ELP4: variants seen among roughly 807,000 people sequenced by gnomAD.
The protein encoded by ELP4 is elongator complex protein 4.
In ELP4, 51 loss-of-function variants were observed where a neutral mutation model predicts 48.9. That is an observed-to-expected ratio of 1.04 (90% CI 0.83 to 1.32). The LOEUF (loss-of-function observed/expected upper bound fraction) is 1.32, where lower values mean the gene tolerates loss of function less well. ELP4 is among the 40% of genes most tolerant of loss of function. ELP4 has a pLI of 0.00. For missense variants in ELP4, 519 were observed against 514.6 expected (o/e 1.01, Z -0.08); for synonymous variants, 210 against 189.2 (o/e 1.11, Z -0.90).
At chr11:31,551,169 C>T (rs1407150853) in intron 3 of ELP4, among the ~76,000 whole-genome samples, 1 of 152,116 alleles carries the variant, frequency 6.6e-6, no homozygotes, top group Non-Finnish European at 1.5e-5. Flanking sequence ...TCAGCTGAAC[C>T]AATTGAAATG....
rs559892736 is a variant in ELP4 at position 31,742,582 on chromosome 11, T to C, written c.1144-40811T>C. The stretch of plus-strand genomic sequence containing the variant: ...AGAAACTCTACAAGCCAGAAGAGAG[T>C]GGGGGCCAATATTCAACTTTCTTAA... On this transcript the variant is annotated intron_variant, in intron 9 of 9. Coordinates refer to ENST00000640961, the MANE Select transcript of ELP4 (RefSeq NM_019040.5). Among the ~76,000 whole-genome samples the C allele has an allele frequency of 3.0e-4, 45 of 152,084 alleles. No homozygotes were observed. The South Asian group carries it at 9.1e-3, about 31-fold the overall frequency.
In ELP4 at chr11:31,775,078, C is replaced by T. The variant is rs184585358; in HGVS notation, c.1144-8315C>T. On this transcript the variant is annotated intron_variant, in intron 9 of 9. Coordinates refer to ENST00000640961, the MANE Select transcript of ELP4 (RefSeq NM_019040.5). Reference sequence around the variant, plus strand: ...GGGAAGAGGGAAGTTAGATTCATCCCTAACATTCAAAGAGCCTAGAGCAAG... The same window carrying T: ...GGGAAGAGGGAAGTTAGATTCATCCTTAACATTCAAAGAGCCTAGAGCAAG... Among the ~76,000 whole-genome samples the T allele has an allele frequency of 1.1e-4, 17 of 152,296 alleles. No homozygotes were observed. The East Asian group carries it at 3.1e-3, about 28-fold the overall frequency.
intron 9 of ELP4, among the ~76,000 whole-genome samples, chr11:31,676,624 C>T (rs373253786): frequency 6.6e-6 from 1 of 152,188 alleles, no homozygotes; most frequent in East Asian, 1.9e-4. Context: ...AATTTGGAAG[C>T]TTATACTAGT....
chr11:31,723,835 G>A (rs919869565), intron 9 of ELP4, among the ~76,000 whole-genome samples: 1 of 152,130 alleles, frequency 6.6e-6, no homozygotes, highest in East Asian at 1.9e-4. Flanking sequence ...TACAGTGTTC[G>A]AGGCTTTGTC....
intron 9 of ELP4, among the ~76,000 whole-genome samples, chr11:31,693,035 C>G (rs1946314061): frequency 6.6e-6 from 1 of 152,082 alleles, no homozygotes; most frequent in South Asian, 2.1e-4. Context: ...CCAAGCCTAG[C>G]AGAGTTTCTG....
At chr11:31,708,758 A>G (rs1444341322) in intron 9 of ELP4, among the ~76,000 whole-genome samples, 1 of 152,140 alleles carries the variant, frequency 6.6e-6, no homozygotes, top group Admixed American at 6.5e-5. Flanking sequence ...AACCATAATA[A>G]AAACAATGCT....
chr11:31,592,500 A>G (rs1957598489), intron 3 of ELP4, among the ~76,000 whole-genome samples: 1 of 149,382 alleles, frequency 6.7e-6, no homozygotes, highest in African/African-American at 2.4e-5. Flanking sequence ...ATATGTGTGT[A>G]TATATGTGTA....
chr11:31,694,611 TG>T (rs951544410), intron 9 of ELP4, among the ~76,000 whole-genome samples: 1 of 152,226 alleles, frequency 6.6e-6, no homozygotes, highest in African/African-American at 2.4e-5. Flanking sequence ...CCTCTGGCTT[TG>T]TTCTTTTGGC....
Position 31,550,244 on chromosome 11 carries a change from TACTTTTTTTC to T in ELP4, c.381+10462_381+10471del, listed in dbSNP as rs1956821995. ...TACTTTTATTTAAGTGAGTATAAAA[TACTTTTTTTC>T]TCATTTTGTAAAAATAAAGTCATTA... is the stretch of plus-strand genomic sequence containing the variant. On this transcript the variant is annotated intron_variant, in intron 3 of 9. Coordinates refer to ENST00000640961, the MANE Select transcript of ELP4 (RefSeq NM_019040.5). Among the ~76,000 whole-genome samples the T allele has an allele frequency of 1.2e-4, 18 of 152,228 alleles. No homozygotes were observed. The South Asian group carries it at 3.7e-3, about 32-fold the overall frequency.
rs1944909999 is a variant in ELP4 at position 31,633,552 on chromosome 11, AATT to A, written c.927+1158_927+1160del. On this transcript the variant is annotated intron_variant, in intron 7 of 9. Transcript: ENST00000640961. ...TTTTTATACATTGTATCTGGACCTA[AATT>A]ATTATTATTAGTTTACAGTTGCAGA... The A allele has an allele frequency of 3.3e-5, 5 of 152,058 alleles. No individual in the cohort carries two copies. In the South Asian group the frequency reaches 8.3e-4, roughly 25 times the overall value. The allele number at this position is 152,058 out of a possible 1,614,324, so 9.4% of individuals were successfully genotyped here.
chr11:31,562,567 C>G (rs1481205483), intron 3 of ELP4, among the ~76,000 whole-genome samples: 2 of 152,044 alleles, frequency 1.3e-5, no homozygotes, highest in Non-Finnish European at 2.9e-5. Context: ...ATTGTCAATA[C>G]CTTAACTTAT....
intron 9 of ELP4, among the ~76,000 whole-genome samples, chr11:31,727,537 C>T (rs1947100293): frequency 2.0e-5 from 3 of 152,076 alleles, no homozygotes; most frequent in Admixed American, 1.3e-4. Context: ...CTACTGTGTT[C>T]GCTTACTCTT....
chr11:31,758,496 A>G (rs1310366115), intron 9 of ELP4, among the ~76,000 whole-genome samples: 1 of 152,224 alleles, frequency 6.6e-6, no homozygotes, highest in Non-Finnish European at 1.5e-5. Context: ...CTAGACTATT[A>G]TGACCATGGA....
intron 9 of ELP4, among the ~76,000 whole-genome samples, chr11:31,773,499 G>A (rs1461620625): frequency 6.6e-6 from 1 of 152,124 alleles, no homozygotes; most frequent in Non-Finnish European, 1.5e-5. Context: ...TGCACTCTTG[G>A]GGTTAGTAAA....
intron 5 of ELP4, 122 bp from the exon 6 acceptor site, chr11:31,626,988 A>T: frequency 1.7e-6 from 1 of 572,834 alleles, no homozygotes; most frequent in Non-Finnish European, 3.2e-6. Context: ...TACTGTTTTG[A>T]CATTCTTAAG....
chr11:31,753,247 C>G (rs1308395461), intron 9 of ELP4, among the ~76,000 whole-genome samples: 1 of 152,200 alleles, frequency 6.6e-6, no homozygotes, highest in Non-Finnish European at 1.5e-5. Context: ...TGAAGTCTTT[C>G]AAGTGACTTA....
chr11:31,758,189 C>T (rs1227366761), intron 9 of ELP4, among the ~76,000 whole-genome samples: 1 of 152,198 alleles, frequency 6.6e-6, no homozygotes, highest in Non-Finnish European at 1.5e-5. Flanking sequence ...CTTAAAGTTA[C>T]TGAATTCAGT....
chr11:31,619,661 T>G (rs1482636313), intron 5 of ELP4, among the ~76,000 whole-genome samples: 1 of 134,786 alleles, frequency 7.4e-6, no homozygotes, highest in African/African-American at 3.1e-5. Flanking sequence ...CTGTTTTTTA[T>G]TGTTTTTTTT....
At chr11:31,697,816 A>G (rs1000759716) in intron 9 of ELP4, among the ~76,000 whole-genome samples, 1 of 152,160 alleles carries the variant, frequency 6.6e-6, no homozygotes, top group African/African-American at 2.4e-5. Context: ...TATATTAACA[A>G]AAGCAGCTGA....
Sources: allele counts gnomAD v4.1 joint callset (sites outside exome capture counted in the v4.1 genomes callset), GRCh38; gene constraint gnomAD v4.1.1; transcripts MANE v1.5; gene names NCBI Gene and HGNC (gene_info 2026-07-23, HGNC 2026-07-21).